Variants in NALF1 observed in about 807,000 individuals in gnomAD.
NALF1 encodes the protein family with sequence similarity 155 member A.
NALF1 carries 3 observed loss-of-function variants against 48.4 expected under a neutral mutation model. The observed-to-expected ratio is 0.06, with a 90% CI of 0.03 to 0.16. The LOEUF is 0.16. Ranked by LOEUF, NALF1 falls within the 10% of genes least tolerant of loss-of-function variation. The probability of loss-of-function intolerance (pLI) is 1.00; values close to 1 mark genes in which losing one functional copy is unlikely to be tolerated. For synonymous variants in NALF1, 262 were observed against 245.7 expected, an observed-to-expected ratio of 1.07 and a Z score of -0.62; for missense variants, 526 against 571.5, an observed-to-expected ratio of 0.92 and a Z score of 0.81.
At chr13:107,271,936 A>C (rs958606285) in intron 1 of NALF1, among the ~76,000 whole-genome samples, 1 of 151,330 alleles carries the variant, frequency 6.6e-6, no homozygotes, top group African/African-American at 2.4e-5. Context: ...ATAACTCTCT[A>C]TATGTTATAA....
chr13:107,620,966 C>A (rs1223053835), intron 1 of NALF1, among the ~76,000 whole-genome samples: 1 of 152,032 alleles, frequency 6.6e-6, no homozygotes, highest in Admixed American at 6.6e-5. Flanking sequence ...GTAATCATTT[C>A]TACTGCTGTG....
At chr13:107,657,356 A>G (rs1196593808) in intron 1 of NALF1, among the ~76,000 whole-genome samples, 1 of 152,126 alleles carries the variant, frequency 6.6e-6, no homozygotes, top group Non-Finnish European at 1.5e-5. Context: ...CAGGTATGCC[A>G]TCATCAAATA....
At chr13:107,574,979 A>T (rs149600203) in intron 1 of NALF1, among the ~76,000 whole-genome samples, 8 of 152,278 alleles carry the variant, frequency 5.3e-5, no homozygotes, top group Non-Finnish European at 1.2e-4. Flanking sequence ...TATGACTACT[A>T]TCCTCAGCCA....
At chr13:107,214,180 C>T (rs2138808400) in intron 1 of NALF1, among the ~76,000 whole-genome samples, 1 of 152,306 alleles carries the variant, frequency 6.6e-6, no homozygotes, top group African/African-American at 2.4e-5. Context: ...CTCCAAGACA[C>T]TTCCCAACGT....
At chr13:107,847,015 T>C (rs1880189193) in intron 1 of NALF1, among the ~76,000 whole-genome samples, 1 of 152,168 alleles carries the variant, frequency 6.6e-6, no homozygotes. Context: ...ACATTTATTA[T>C]TCTATAATGA....
intron 1 of NALF1, among the ~76,000 whole-genome samples, chr13:107,813,199 T>C (rs1879052547): frequency 6.6e-6 from 1 of 152,234 alleles, no homozygotes; most frequent in Non-Finnish European, 1.5e-5. Flanking sequence ...TGAATAAATA[T>C]GCTTATTTAT....
chr13:107,660,436 A>ACACAC (rs1880698629), intron 1 of NALF1, among the ~76,000 whole-genome samples: 1 of 93,632 alleles, frequency 1.1e-5, no homozygotes, highest in South Asian at 3.8e-4. Context: ...CTGTCTCAAA[A>ACACAC]ACACACACAC....
At chr13:107,422,590 T>A (rs1032244234) in intron 1 of NALF1, among the ~76,000 whole-genome samples, 35 of 152,144 alleles carry the variant, frequency 2.3e-4, no homozygotes, top group Admixed American at 6.6e-5. Flanking sequence ...TGCATAATGA[T>A]GGCAAATTAA....
intron 1 of NALF1, among the ~76,000 whole-genome samples, chr13:107,671,002 C>T (rs1192168911): frequency 1.3e-5 from 2 of 152,070 alleles, no homozygotes; most frequent in Admixed American, 6.6e-5. Flanking sequence ...AATTCTGTCA[C>T]TTTGAATCAG....
At chr13:107,428,905 ACAGT>A (rs1475039074) in intron 1 of NALF1, among the ~76,000 whole-genome samples, 2 of 152,224 alleles carry the variant, frequency 1.3e-5, no homozygotes, top group African/African-American at 4.8e-5. Flanking sequence ...GAATCATTAG[ACAGT>A]CAAAGGTCAA....
intron 1 of NALF1, among the ~76,000 whole-genome samples, chr13:107,651,048 C>T (rs548894267): frequency 1.3e-5 from 2 of 151,916 alleles, no homozygotes; most frequent in South Asian, 2.1e-4. Context: ...ATGTAACAAA[C>T]CTGCACATGC....
chr13:107,569,781 A>G (rs2138400618), intron 1 of NALF1, among the ~76,000 whole-genome samples: 1 of 152,334 alleles, frequency 6.6e-6, no homozygotes, highest in East Asian at 1.9e-4. Flanking sequence ...TTATAAAGAA[A>G]CATGCTGAGA....
At position 107,538,259 on chromosome 13, in the gene NALF1, T is replaced by C. The variant is rs1412206117; in HGVS notation, c.915+327423A>G. ...CTTTCTATTTGTACAATCCATATCC[T>C]TTATTTGGAAAACTTCTTTTCACTC... On this transcript the variant is annotated intron_variant, in intron 1 of 2. Coordinates refer to ENST00000375915, the MANE Select transcript of NALF1 (RefSeq NM_001080396.3). Among the ~76,000 whole-genome samples, 4 of 152,164 alleles carry C rather than the reference T, an allele frequency of 2.6e-5. No individual in the cohort carries two copies. In the East Asian group the frequency reaches 7.7e-4, roughly 29 times the overall value.
intron 1 of NALF1, among the ~76,000 whole-genome samples, chr13:107,780,074 C>T (rs569326109): frequency 4.8e-5 from 7 of 145,424 alleles, no homozygotes; most frequent in Admixed American, 4.2e-4. Context: ...ATTGCTACTG[C>T]GGTTTTGTTG....
intron 1 of NALF1, among the ~76,000 whole-genome samples, chr13:107,321,486 G>A (rs954774426): frequency 6.6e-6 from 1 of 152,082 alleles, no homozygotes; most frequent in Non-Finnish European, 1.5e-5. Flanking sequence ...GTTTGTTCCA[G>A]GTGTTTAAAC....
At chr13:107,720,468 G>A (rs1875950217) in intron 1 of NALF1, among the ~76,000 whole-genome samples, 1 of 115,216 alleles carries the variant, frequency 8.7e-6, no homozygotes, top group African/African-American at 3.4e-5. Flanking sequence ...CCAAGACTGC[G>A]CCCCTGCACT....
At chr13:107,445,401 T>A (rs1884633454) in intron 1 of NALF1, among the ~76,000 whole-genome samples, 1 of 152,220 alleles carries the variant, frequency 6.6e-6, no homozygotes, top group Non-Finnish European at 1.5e-5. Flanking sequence ...TCCATTTGTA[T>A]CAATAATTTG....
intron 1 of NALF1, among the ~76,000 whole-genome samples, chr13:107,415,526 T>C (rs1884070153): frequency 6.6e-6 from 1 of 151,946 alleles, no homozygotes; most frequent in Non-Finnish European, 1.5e-5. Context: ...GCTAACAACA[T>C]AGCAGATTTC....
At chr13:107,174,232 T>G (rs1203676613) in intron 2 of NALF1, among the ~76,000 whole-genome samples, 2 of 152,208 alleles carry the variant, frequency 1.3e-5, no homozygotes, top group African/African-American at 4.8e-5. Flanking sequence ...CATTCCTAGT[T>G]GTCTGCACAA....
Sources: gnomAD v4.1 joint callset for allele counts (sites outside exome capture counted in the v4.1 genomes callset) on GRCh38, gnomAD v4.1.1 for gene constraint, MANE v1.5 for transcripts, NCBI Gene and HGNC (gene_info 2026-07-23, HGNC 2026-07-21) for gene names.